The following DCAF1 variants were observed in gnomAD, a reference collection of about 807,000 sequenced individuals.
DCAF1 encodes the protein DDB1 and CUL4 associated factor 1.
Under a neutral mutation model 128.0 loss-of-function variants are expected in DCAF1, and 15 were observed. The ratio of observed to expected loss-of-function variants is 0.12; its 90% CI spans 0.08 to 0.18. The LOEUF (loss-of-function observed/expected upper bound fraction) is 0.18, where lower values mean the gene tolerates loss of function less well. Ranked by LOEUF, DCAF1 falls within the 10% of genes least tolerant of loss-of-function variation. The pLI is 1.00. For missense variants in DCAF1, 988 were observed against 1,649.5 expected, an observed-to-expected ratio of 0.60 and a Z score of 6.95; for synonymous variants, 610 against 603.0, an observed-to-expected ratio of 1.01 and a Z score of -0.17.
rs1553631460 is a variant in DCAF1 at position 51,418,869 on chromosome 3, G to A, written c.3244C>T (p.Pro1082Ser). ...DRHLIFSRFR[P>S]ISVFREANED... The stretch of plus-strand genomic sequence containing the variant: ...TTGGCTTCCCGGAACACTGAAATAG[G>A]ACGGAATCTAAGCAAAAAAAAGAGA... The change falls in exon 16 of 25, where the codon CCT becomes TCT. Residue 1082 changes from proline to serine, a missense_variant. By Grantham distance (74) the Pro-to-Ser change is moderately conservative. Around this residue, in one of 11 missense-constraint regions of DCAF1, gnomAD observed 105 missense variants for 266.7 expected, o/e 0.39. Transcript: ENST00000684031. 2 of 1,608,950 alleles carry A rather than the reference G, an allele frequency of 1.2e-6. No individual in the cohort carries two copies. The highest frequency in any genetic ancestry group is 1.7e-6 in the Non-Finnish European group (2 of 1,177,450).
chr3:51,409,410 C>G (rs1045115919), intron 23 of DCAF1, among the ~76,000 whole-genome samples: 61 of 152,248 alleles, frequency 4.0e-4, no homozygotes, highest in Non-Finnish European at 7.3e-5. Context: ...TGACCTCCCC[C>G]TCAAAGACAG....
chr3:51,424,471 T>A (rs1553633541), intron 13 of DCAF1, among the ~76,000 whole-genome samples: 2 of 149,038 alleles, frequency 1.3e-5, no homozygotes, highest in Non-Finnish European at 3.0e-5. Flanking sequence ...GGGATGACAA[T>A]GGTATGAACA....
intron 11 of DCAF1, among the ~76,000 whole-genome samples, chr3:51,429,722 A>C (rs1700207649): frequency 6.6e-6 from 1 of 152,186 alleles, no homozygotes; most frequent in Non-Finnish European, 1.5e-5. Flanking sequence ...AAAAATGAAC[A>C]AGCTTTTAAT....
chr3:51,480,307 G>A (rs1324716160), intron 3 of DCAF1, among the ~76,000 whole-genome samples: 2 of 151,750 alleles, frequency 1.3e-5, no homozygotes, highest in African/African-American at 4.8e-5. Flanking sequence ...TAAAAAATAC[G>A]TTAATCCAGC....
rs1306643779 is a variant in DCAF1 at position 51,416,975 on chromosome 3, AC to A, written c.3519-105del. ...CCCAGCCTCTTGCACAATCACACTCACCTAAAGATCCTGGACTCCCAAAGAG... is the reference window on the plus strand; with the variant it reads ...CCCAGCCTCTTGCACAATCACACTCACTAAAGATCCTGGACTCCCAAAGAG... On this transcript the variant is annotated intron_variant, in intron 17 of 24. Transcript: ENST00000684031. The A allele has an allele frequency of 3.3e-6, 5 of 1,502,250 alleles. No individual in the cohort carries two copies. In the African/African-American group the frequency reaches 7.0e-5, roughly 21 times the overall value. The allele number at this position is 1,502,250 out of a possible 1,614,324, so 93.1% of individuals were successfully genotyped here.
rs183602056 is a variant in DCAF1 at position 51,429,532 on chromosome 3, T to G, written c.1468-62A>C. The G allele has an allele frequency of 1.2e-4, 92 of 751,210 alleles. No individual in the cohort carries two copies. The African/African-American group carries it at 1.5e-3, about 12-fold the overall frequency. 46.5% of individuals were successfully genotyped at this position (751,210 alleles called of 1,614,324 possible). On this transcript the variant is annotated intron_variant, in intron 11 of 24. Coordinates refer to ENST00000684031, the MANE Select transcript of DCAF1 (RefSeq NM_001387579.1). The stretch of plus-strand genomic sequence containing the variant: ...AAAGGCAAGAAGAGTTAAGTAAAAA[T>G]ATTTAAAAAAGGGAAAATATTTTAG...
At chr3:51,488,333 C>G (rs192187918) in intron 2 of DCAF1, among the ~76,000 whole-genome samples, 2 of 152,136 alleles carry the variant, frequency 1.3e-5, no homozygotes, top group Non-Finnish European at 2.9e-5. Flanking sequence ...TTTATGACTG[C>G]AGACATAAAA....
intron 3 of DCAF1, among the ~76,000 whole-genome samples, chr3:51,474,947 G>C (rs1476589619): frequency 6.6e-6 from 1 of 151,804 alleles, no homozygotes; most frequent in Non-Finnish European, 1.5e-5. Flanking sequence ...ACCATGCCCG[G>C]CTAACTTTTG....
chr3:51,412,234 G>A, intron 23 of DCAF1, 145 bp downstream of exon 23: 1 of 1,026,482 alleles, frequency 9.7e-7, no homozygotes, highest in Non-Finnish European at 1.3e-6. Flanking sequence ...CTGAGTTTCA[G>A]TGATCAAGGG....
At chr3:51,397,244 A>AAAAC (rs747739201), downstream of DCAF1, 120 of 167,268 alleles carry the variant, frequency 7.2e-4, no homozygotes, top group South Asian at 1.4e-3. Context: ...TGTGGGAAGG[A>AAAAC]AAACAGGGTG....
chr3:51,488,666 G>A (rs1323579571), intron 2 of DCAF1, among the ~76,000 whole-genome samples: 2 of 152,206 alleles, frequency 1.3e-5, no homozygotes, highest in African/African-American at 4.8e-5. Context: ...AGCCGGGCAT[G>A]GTGGCACGCA....
chr3:51,464,887 G>A (rs996563128), intron 5 of DCAF1, among the ~76,000 whole-genome samples: 3 of 152,160 alleles, frequency 2.0e-5, no homozygotes, highest in African/African-American at 7.2e-5. Flanking sequence ...AGGAGGGCCA[G>A]AAGGCAAGAA....
rs1225169323 is a variant in DCAF1 at position 51,466,747 on chromosome 3, A to G, written c.261+56T>C. On this transcript the variant is annotated intron_variant, in intron 5 of 24. Transcript: ENST00000684031. ...GGCAAACTATTCACGAAAAAACAAT[A>G]AAGATACAGCATCTACAGATGATAA... 11 of 1,564,898 alleles carry G rather than the reference A, an allele frequency of 7.0e-6. No homozygotes were observed. In the South Asian group the frequency reaches 1.1e-4, roughly 16 times the overall value.
chr3:51,479,347 C>G (rs1322180437), intron 3 of DCAF1, among the ~76,000 whole-genome samples: 2 of 151,674 alleles, frequency 1.3e-5, no homozygotes, highest in Non-Finnish European at 2.9e-5. Flanking sequence ...ACTAAAAATA[C>G]AAAAAATTAG....
chr3:51,498,359 C>CA (rs1321782275), intron 1 of DCAF1, among the ~76,000 whole-genome samples: 40 of 88,240 alleles, frequency 4.5e-4, no homozygotes, highest in Middle Eastern at 7.7e-3. Context: ...GACGCTGTCT[C>CA]AAAAAAAAAG....
intron 14 of DCAF1, 43 bp from the exon 15 acceptor site, chr3:51,421,040 T>C (rs781984865): frequency 4.3e-5 from 67 of 1,555,834 alleles, no homozygotes; most frequent in Non-Finnish European, 5.8e-5. Context: ...ATAAAACTAA[T>C]GGCCAACTTC....
chr3:51,440,277 A>T (rs544456878), intron 9 of DCAF1: 3 of 399,180 alleles, frequency 7.5e-6, no homozygotes, highest in Non-Finnish European at 1.5e-5. Context: ...AAATGCAGAG[A>T]AATTACATGC....
chr3:51,499,672 G>C (rs1165261199), intron 1 of DCAF1, among the ~76,000 whole-genome samples: 1 of 151,740 alleles, frequency 6.6e-6, no homozygotes, highest in Non-Finnish European at 1.5e-5. Flanking sequence ...CCGCCCCCAG[G>C]ACAAGAATCA....
At chr3:51,464,006 C>G (rs1372430899) in intron 5 of DCAF1, among the ~76,000 whole-genome samples, 1 of 151,904 alleles carries the variant, frequency 6.6e-6, no homozygotes, top group Non-Finnish European at 1.5e-5. Context: ...AGGTGCACAC[C>G]ACCATGTCCA....
Sources: allele counts gnomAD v4.1 joint callset (sites outside exome capture counted in the v4.1 genomes callset), GRCh38; gene constraint gnomAD v4.1.1; regional missense constraint gnomAD v4.1.1; transcripts MANE v1.5; gene names NCBI Gene and HGNC (gene_info 2026-07-23, HGNC 2026-07-21).